The following RABEP1 variants were observed in gnomAD, a reference collection of about 807,000 sequenced individuals.
The protein encoded by RABEP1 is rabaptin, RAB GTPase binding effector protein 1.
RABEP1 carries 51 observed loss-of-function variants against 123.4 expected under a neutral mutation model. The observed-to-expected ratio is 0.41, with a 90% CI of 0.33 to 0.52. RABEP1 has a LOEUF of 0.52. Ranked by LOEUF, RABEP1 falls within the 20% of genes least tolerant of loss-of-function variation. The pLI, the probability that RABEP1 is intolerant of heterozygous loss-of-function variation, is 0.16. For missense variants in RABEP1, 888 were observed against 996.3 expected (o/e 0.89, Z 1.46); for synonymous variants, 347 against 355.2 (o/e 0.98, Z 0.26).
intron 1 of RABEP1, among the ~76,000 whole-genome samples, chr17:5,303,989 G>A (rs1446622097): frequency 6.7e-6 from 1 of 150,366 alleles, no homozygotes; most frequent in Non-Finnish European, 1.5e-5. Flanking sequence ...AGCCGAGATT[G>A]CACCATTGCA....
At chr17:5,355,258 C>T (rs1247427071) in intron 8 of RABEP1, among the ~76,000 whole-genome samples, 1 of 152,180 alleles carries the variant, frequency 6.6e-6, no homozygotes, top group Non-Finnish European at 1.5e-5. Context: ...CCATGTTGGT[C>T]ATCATCTTGG....
rs578058128 is a variant in RABEP1, at chr17:5,378,260, A to G, written c.2271+28A>G. ...AAGTCGTGAGTTTCAAATTAATTCTATCAGCAACCAGTGGTTATTTACTGA... is the reference window on the plus strand; with the variant it reads ...AAGTCGTGAGTTTCAAATTAATTCTGTCAGCAACCAGTGGTTATTTACTGA... On this transcript the variant is annotated intron_variant, in intron 15 of 17. Transcript: ENST00000537505. 64 of 1,531,762 alleles carry G rather than the reference A, an allele frequency of 4.2e-5. No homozygotes were observed. In the Middle Eastern group the frequency reaches 5.1e-4, roughly 12 times the overall value. The allele number at this position is 1,531,762 out of a possible 1,614,324, so 94.9% of individuals were successfully genotyped here.
Position 5,338,219 on chromosome 17 carries a change from G to A in RABEP1, c.648+81G>A. On this transcript the variant is annotated intron_variant, in intron 5 of 17. Transcript: ENST00000537505. ...TGAACAAAATTAGAATCAGTAATAG[G>A]GAAAAAAACCTGTAATTTAGACTAT... 9.1e-6 allele frequency: 13 copies of A among 1,432,906 alleles called. No individual in the cohort carries two copies. The South Asian group carries it at 1.4e-4, about 15-fold the overall frequency. 88.8% of individuals were successfully genotyped at this position (1,432,906 alleles called of 1,614,324 possible).
intron 2 of RABEP1, among the ~76,000 whole-genome samples, chr17:5,325,029 AT>A (rs1475908832): frequency 3.3e-5 from 5 of 152,134 alleles, no homozygotes; most frequent in Non-Finnish European, 7.4e-5. Flanking sequence ...AAGAAATGAA[AT>A]CGCTGGGCAT....
At chr17:5,297,110 A>G (rs1315052628) in intron 1 of RABEP1, among the ~76,000 whole-genome samples, 4 of 152,098 alleles carry the variant, frequency 2.6e-5, no homozygotes, top group South Asian at 2.1e-4. Context: ...ACTGCAGTCA[A>G]TATTCTTGCA....
intron 7 of RABEP1, 109 bp downstream of exon 7, chr17:5,350,738 A>G (rs1597376700): frequency 6.7e-6 from 8 of 1,201,206 alleles, no homozygotes; most frequent in Non-Finnish European, 9.4e-6. Flanking sequence ...CAACAAGGTG[A>G]TAAAGGTGAT....
intron 9 of RABEP1, chr17:5,361,885 A>C (rs1909579839): frequency 3.7e-6 from 2 of 537,844 alleles, no homozygotes; most frequent in African/African-American, 1.9e-5. Flanking sequence ...CTAGCTAGTT[A>C]ATCACAGTGA....
chr17:5,366,877 G>A (rs557811033), intron 11 of RABEP1, among the ~76,000 whole-genome samples: 3 of 151,784 alleles, frequency 2.0e-5, no homozygotes, highest in Non-Finnish European at 2.9e-5. Flanking sequence ...ATTACCTGAG[G>A]TCAGGAGTTT....
rs1275607463 is a variant in RABEP1, at chr17:5,368,414, T to C, written c.1830T>C (p.Leu610=). ...GAGCCCAGGCCTCCGAGATCTTACT[T>C]GAAGAGTTACAGCAGGGGCTTTCCC... ...VLRAQASEIL[L]EELQQGLSQA... Residue 610 remains leucine, a synonymous_variant, in exon 12 of 18, where the codon CTT becomes CTC. Transcript: ENST00000537505. 1.2e-6 allele frequency: 2 copies of C among 1,614,084 alleles called. No individual in the cohort carries two copies. The highest frequency in any genetic ancestry group is 3.3e-5 in the Admixed American group (2 of 60,018).
intron 2 of RABEP1, among the ~76,000 whole-genome samples, chr17:5,318,831 C>T (rs779492833): frequency 9.2e-5 from 14 of 152,264 alleles, no homozygotes; most frequent in South Asian, 4.1e-4. Flanking sequence ...CAAATCCAAT[C>T]CAACAATGTA....
chr17:5,354,859 C>G (rs1342584237), intron 8 of RABEP1, among the ~76,000 whole-genome samples: 1 of 152,200 alleles, frequency 6.6e-6, no homozygotes, highest in Non-Finnish European at 1.5e-5. Flanking sequence ...AAATGCTTAA[C>G]TCCCTGTAGC....
chr17:5,363,035 C>A lies in RABEP1; in HGVS notation c.1668+19C>A. 2 of 1,559,514 alleles carry A rather than the reference C, an allele frequency of 1.3e-6. No homozygotes were observed. The highest frequency in any genetic ancestry group is 1.4e-5 in the African/African-American group (1 of 73,794). Reference sequence around the variant, plus strand: ...AGACCAGGTGAGTTTCTTCTGGATGCGCCAAATTGGATATTGTCGTTTTCA... The same window carrying A: ...AGACCAGGTGAGTTTCTTCTGGATGAGCCAAATTGGATATTGTCGTTTTCA... On this transcript the variant is annotated intron_variant, in intron 10 of 17. Coordinates refer to ENST00000537505, the MANE Select transcript of RABEP1 (RefSeq NM_004703.6).
At chr17:5,293,926 T>C (rs1224429783) in intron 1 of RABEP1, among the ~76,000 whole-genome samples, 2 of 152,224 alleles carry the variant, frequency 1.3e-5, no homozygotes, top group Non-Finnish European at 2.9e-5. Context: ...TTTGTCAAGT[T>C]GGATCTTCCA....
At chr17:5,377,441 G>A (rs1461429434) in intron 14 of RABEP1, 136 bp downstream of exon 14, 1 of 491,238 alleles carries the variant, frequency 2.0e-6, no homozygotes, top group East Asian at 3.8e-5. Context: ...TCCATTTTTT[G>A]TAGATATTCT....
At chr17:5,319,346 AAAAC>A (rs2075330307) in intron 2 of RABEP1, among the ~76,000 whole-genome samples, 1 of 139,634 alleles carries the variant, frequency 7.2e-6, no homozygotes, top group African/African-American at 2.8e-5. Flanking sequence ...AAAAAACAAA[AAAAC>A]AAAAAAAAAA....
At chr17:5,326,571 G>A (rs192438966) in intron 2 of RABEP1, among the ~76,000 whole-genome samples, 2 of 152,094 alleles carry the variant, frequency 1.3e-5, no homozygotes, top group African/African-American at 4.8e-5. Flanking sequence ...GGAACATGTC[G>A]TTACACATTT....
chr17:5,341,900 CAA>C (rs1360997055), intron 5 of RABEP1, among the ~76,000 whole-genome samples: 2 of 152,204 alleles, frequency 1.3e-5, no homozygotes, highest in Non-Finnish European at 2.9e-5. Context: ...GGCTATTTAT[CAA>C]ACCTTTGGCA....
chr17:5,322,214 C>T (rs766980557), intron 2 of RABEP1, among the ~76,000 whole-genome samples: 4 of 151,902 alleles, frequency 2.6e-5, no homozygotes, highest in Non-Finnish European at 5.9e-5. Context: ...AAAAATTAGC[C>T]AGGCATGGTG....
chr17:5,336,403 A>G (rs905832528), intron 4 of RABEP1: 4 of 452,728 alleles, frequency 8.8e-6, no homozygotes, highest in African/African-American at 2.0e-5. Context: ...ATAAGCCTCT[A>G]TCAATTTATT....
Sources: gnomAD v4.1 joint callset for allele counts (sites outside exome capture counted in the v4.1 genomes callset) on GRCh38, gnomAD v4.1.1 for gene constraint, MANE v1.5 for transcripts, NCBI Gene and HGNC (gene_info 2026-07-23, HGNC 2026-07-21) for gene names.